Variants in EXOC3L4 observed in about 807,000 individuals in gnomAD.
EXOC3L4 encodes exocyst complex component 3 like 4.
EXOC3L4 carries 62 observed loss-of-function variants against 69.7 expected under a neutral mutation model. That is an observed-to-expected ratio of 0.89 (90% CI 0.72 to 1.10). The LOEUF is 1.10. EXOC3L4 is among the 50% of genes least tolerant of loss of function. The probability of loss-of-function intolerance (pLI) is 0.00; values close to 1 mark genes in which losing one functional copy is unlikely to be tolerated. For missense variants in EXOC3L4, 1,087 were observed against 1,034.8 expected, an observed-to-expected ratio of 1.05 and a Z score of -0.69; for synonymous variants, 502 against 464.2, an observed-to-expected ratio of 1.08 and a Z score of -1.05.
rs1326321690 is a variant in EXOC3L4, at chr14:103,097,625, G to C, written c.-16-2579G>C. 6.6e-6 allele frequency among the ~76,000 whole-genome samples: 1 copy of C among 152,230 alleles called. No homozygotes were observed. Among genetic ancestry groups the C allele is most frequent in the Non-Finnish European group, 1.5e-5 (1 of 68,034 alleles). On this transcript the variant is annotated intron_variant, in intron 1 of 11. Transcript: ENST00000688303. This position sits in a 1 kb window ranked among gnomAD's most constrained non-coding sequence, Gnocchi z 4.9. ...CAGGGGTGACCGGGGTAGATGGACA[G>C]AGGCTGCCAGCCCAGTGCAGGAGGG... is the stretch of plus-strand genomic sequence containing the variant.
intron 1 of EXOC3L4, among the ~76,000 whole-genome samples, chr14:103,099,682 G>T (rs903767236): frequency 6.6e-6 from 1 of 152,170 alleles, no homozygotes; most frequent in Non-Finnish European, 1.5e-5. Context: ...TGCCCTCCCC[G>T]TTGAGCCAAA....
chr14:103,099,886 C>T (rs1890076210), intron 1 of EXOC3L4, among the ~76,000 whole-genome samples: 2 of 152,178 alleles, frequency 1.3e-5, no homozygotes, highest in African/African-American at 4.8e-5. Flanking sequence ...CATGTCAGTG[C>T]CCTCCTCCAA....
intron 3 of EXOC3L4, 114 bp from the exon 4 acceptor site, chr14:103,103,827 T>TGTAC: frequency 1.5e-6 from 1 of 649,806 alleles, no homozygotes; most frequent in Non-Finnish European, 2.7e-6. Context: ...TGTGTGTGTG[T>TGTAC]GTACAGATGC....
chr14:103,109,723 C>T (rs1462549742), intron 11 of EXOC3L4, among the ~76,000 whole-genome samples: 1 of 135,568 alleles, frequency 7.4e-6, no homozygotes, highest in Non-Finnish European at 1.6e-5. Context: ...CTGGGTCTCC[C>T]TCTCTCTCCA....
chr14:103,097,611 G>A lies in EXOC3L4; in HGVS notation c.-16-2593G>A, dbSNP rs1169977893. Among the ~76,000 whole-genome samples, 4 of 152,190 alleles carry A rather than the reference G, an allele frequency of 2.6e-5. No homozygotes were observed. Among genetic ancestry groups the A allele is most frequent in the East Asian group, 1.9e-4 (1 of 5,194 alleles). On this transcript the variant is annotated intron_variant, in intron 1 of 11. Coordinates refer to ENST00000688303, the MANE Select transcript of EXOC3L4 (RefSeq NM_001077594.2). The surrounding 1 kb of genome is among the most constrained non-coding windows in gnomAD (Gnocchi z 4.9). ...TTCCAGGCTGTGCTCAGGGGTGACC[G>A]GGGTAGATGGACAGAGGCTGCCAGC... is the stretch of plus-strand genomic sequence containing the variant.
chr14:103,109,123 G>A lies in EXOC3L4; in HGVS notation c.1976+606G>A, dbSNP rs1340693289. Among the ~76,000 whole-genome samples the A allele has an allele frequency of 3.8e-5, 5 of 132,762 alleles. No homozygotes were observed. The East Asian group carries it at 1.1e-3, about 29-fold the overall frequency. 87.1% of individuals were successfully genotyped at this position (132,762 alleles called of 152,430 possible). ...ACTACTCCCCAACCCCGTTGGCCCCGTCACCCGCAGCTGCATCACCCCCTC... is the reference window on the plus strand; with the variant it reads ...ACTACTCCCCAACCCCGTTGGCCCCATCACCCGCAGCTGCATCACCCCCTC... On this transcript the variant is annotated intron_variant, in intron 11 of 11. Transcript: ENST00000688303.
In EXOC3L4 at chr14:103,104,781, A is replaced by G; in HGVS notation, c.1328A>G (p.Glu443Gly). The part of the protein sequence containing the change: ...HVKAAGAISA[E>G]LEATTLRICT... ...AAGGCGGCCGGCGCCATCTCCGCGG[A>G]GCTGGAGGCCACCACCCTGCGAATC... Residue 443 changes from glutamate (E) to glycine (G), a missense_variant, in exon 6 of 12, where the codon GAG becomes GGG. By Grantham distance (98) the Glu-to-Gly change is moderately conservative. Coordinates refer to ENST00000688303, the MANE Select transcript of EXOC3L4 (RefSeq NM_001077594.2). The G allele has an allele frequency of 6.5e-7, 1 of 1,526,904 alleles. No individual in the cohort carries two copies. Among genetic ancestry groups the G allele is most frequent in the Middle Eastern group, 1.7e-4 (1 of 5,752 alleles). 94.6% of individuals were successfully genotyped at this position (1,526,904 alleles called of 1,614,324 possible).
At chr14:103,107,005 G>A in intron 8 of EXOC3L4, 106 bp downstream of exon 8, 2 of 974,898 alleles carry the variant, frequency 2.1e-6, no homozygotes, top group Non-Finnish European at 3.0e-6. Context: ...TCCAGGGTGA[G>A]CTCATGGGTG....
chr14:103,108,047 G>A (rs1054206234), intron 10 of EXOC3L4, among the ~76,000 whole-genome samples: 7 of 152,170 alleles, frequency 4.6e-5, no homozygotes, highest in African/African-American at 1.7e-4. Context: ...CAGGGCCTTT[G>A]GGAGGTGTCC....
At position 103,107,614 on chromosome 14, in the gene EXOC3L4, G is replaced by C. The variant is rs1177280496; in HGVS notation, c.1702-17G>C. 1 of 1,602,140 alleles carries C rather than the reference G, an allele frequency of 6.2e-7. No individual in the cohort carries two copies. The highest frequency in any genetic ancestry group is 1.7e-5 in the Admixed American group (1 of 58,860). On this transcript the variant is annotated splice_polypyrimidine_tract_variant and intron_variant, in intron 9 of 11. Transcript: ENST00000688303. ...GGCTGTTGACCCTGACCCTGACCCT[G>C]ACCCTGGGCCGCCCAGGAGACTCTG...
rs1175125073 is a variant in EXOC3L4 at position 103,110,497 on chromosome 14, T to C, written c.*274T>C. ...GGGGCCTCCCGCCCGACTGTCCAGC[T>C]TCACCCTCCAGTCTGAAAGTGAAGA... On this transcript the variant is annotated 3_prime_UTR_variant, in exon 12 of 12. Transcript: ENST00000688303. 1.5e-5 allele frequency: 9 copies of C among 584,878 alleles called. No homozygotes were observed. The highest frequency in any genetic ancestry group is 2.8e-5 in the Non-Finnish European group (9 of 323,066). The allele number at this position is 584,878 out of a possible 1,614,324, so 36.2% of individuals were successfully genotyped here. A position where few individuals can be genotyped will look rare whatever the true frequency, so the allele number is the denominator to read the frequency against.
intron 1 of EXOC3L4, among the ~76,000 whole-genome samples, chr14:103,095,499 G>A (rs1390532493): frequency 9.9e-6 from 1 of 101,202 alleles, no homozygotes; most frequent in Non-Finnish European, 2.4e-5. Context: ...AGAAGGAGGG[G>A]CTGAGGTCAT....
intron 2 of EXOC3L4, 128 bp downstream of exon 2, chr14:103,100,741 C>T (rs1301398566): frequency 8.0e-7 from 1 of 1,242,760 alleles, no homozygotes; most frequent in East Asian, 2.6e-5. Flanking sequence ...ATGTGCAATT[C>T]TTTATTTATT....
At position 103,104,794 on chromosome 14, in the gene EXOC3L4, C is replaced by T; in HGVS notation, c.1341C>T (p.Thr447=). The change falls in exon 6 of 12, where the codon ACC becomes ACT. Residue 447 remains threonine (T), a synonymous_variant. Transcript: ENST00000688303. ...CCATCTCCGCGGAGCTGGAGGCCAC[C>T]ACCCTGCGAATCTGCACGCGGGCGC... is the stretch of plus-strand genomic sequence containing the variant. ...AGAISAELEA[T]TLRICTRALG... is the part of the protein sequence containing the mutation. 1 of 1,527,334 alleles carries T rather than the reference C, an allele frequency of 6.5e-7. No homozygotes were observed. The highest frequency in any genetic ancestry group is 2.1e-5 in the Admixed American group (1 of 48,176). 94.6% of individuals were successfully genotyped at this position (1,527,334 alleles called of 1,614,324 possible).
Position 103,099,357 on chromosome 14 carries a change from G to A in EXOC3L4, c.-16-847G>A, listed in dbSNP as rs568359568. Among the ~76,000 whole-genome samples the A allele has an allele frequency of 2.0e-5, 3 of 152,332 alleles. No individual in the cohort carries two copies. In the East Asian group the frequency reaches 5.8e-4, roughly 29 times the overall value. On this transcript the variant is annotated intron_variant, in intron 1 of 11. Transcript: ENST00000688303. ...GGTGCCGAGGGCCCTGGGGGAGCAGGAGCAGCCGCAGCTCAGCCACCCCCA... is the reference window on the plus strand; with the variant it reads ...GGTGCCGAGGGCCCTGGGGGAGCAGAAGCAGCCGCAGCTCAGCCACCCCCA...
Position 103,103,990 on chromosome 14 carries a change from C to T in EXOC3L4, c.1099C>T (p.Pro367Ser), listed in dbSNP as rs753971601. ...GCTGGCGCTGCCCGCCGAGCCGCTG[C>T]CTCCGCTCCTGGCGCCGGACGTGTG... ...PGLALPAEPL[P>S]PLLAPDVWAR... The change falls in exon 4 of 12, where the codon CCT (proline) becomes TCT (serine). Residue 367 changes from proline (P) to serine (S), a missense_variant. Coordinates refer to ENST00000688303, the MANE Select transcript of EXOC3L4 (RefSeq NM_001077594.2). 18 of 1,573,040 alleles carry T rather than the reference C, an allele frequency of 1.1e-5. No homozygotes were observed. Among genetic ancestry groups the T allele is most frequent in the South Asian group, 1.1e-5 (1 of 87,156 alleles).
chr14:103,104,458 A>G (rs1369782398), intron 5 of EXOC3L4, 69 bp downstream of exon 5: 6 of 1,437,252 alleles, frequency 4.2e-6, no homozygotes, highest in Non-Finnish European at 4.6e-6. Context: ...GGCGATTTCC[A>G]GAACGAATTC....
Position 103,109,164 on chromosome 14 carries a change from C to G in EXOC3L4, c.1976+647C>G, listed in dbSNP as rs1488768708. ...TCACCCCCTCCCTCCCTCTCCACCA[C>G]CTGTCCCCCGGTCTCCCTCTCTCCC... On this transcript the variant is annotated intron_variant, in intron 11 of 11. Transcript: ENST00000688303. 6.1e-5 allele frequency among the ~76,000 whole-genome samples: 8 copies of G among 130,688 alleles called. 1 individual carries two copies. The highest frequency in any genetic ancestry group is 1.8e-4 in the African/African-American group (6 of 33,362). The allele number at this position is 130,688 out of a possible 152,430, so 85.7% of individuals were successfully genotyped here. A position where few individuals can be genotyped will look rare whatever the true frequency, so the allele number is the denominator to read the frequency against.
At chr14:103,096,986 C>T (rs1889920107) in intron 1 of EXOC3L4, among the ~76,000 whole-genome samples, 3 of 152,178 alleles carry the variant, frequency 2.0e-5, no homozygotes, top group South Asian at 2.1e-4. Flanking sequence ...TCCTTTGGAG[C>T]GTTGAGGAGT....
Sources: gnomAD v4.1 joint callset for allele counts (sites outside exome capture counted in the v4.1 genomes callset) on GRCh38, gnomAD v4.1.1 for gene constraint, Gnocchi (gnomAD v3.1) non-coding constraint, MANE v1.5 for transcripts, NCBI Gene and HGNC (gene_info 2026-07-23, HGNC 2026-07-21) for gene names.